The following HS3ST4 variants were observed in gnomAD, a reference collection of about 807,000 sequenced individuals.
HS3ST4 encodes heparan sulfate-glucosamine 3-sulfotransferase 4, also known as heparan sulfate glucosamine 3-O-sulfotransferase 4.
HS3ST4 carries 17 observed loss-of-function variants against 29.2 expected under a neutral mutation model. That is an observed-to-expected ratio of 0.58 (90% confidence interval 0.40 to 0.87). The LOEUF is 0.87. HS3ST4 is among the 40% of genes least tolerant of loss of function. The pLI, the probability that HS3ST4 is intolerant of heterozygous loss-of-function variation, is 0.00. For missense variants in HS3ST4, 627 were observed against 634.5 expected (o/e 0.99, Z 0.13); for synonymous variants, 314 against 285.7 (o/e 1.10, Z -1.00).
chr16:26,119,052 C>T (rs1294736070), intron 1 of HS3ST4, among the ~76,000 whole-genome samples: 1 of 152,188 alleles, frequency 6.6e-6, no homozygotes, highest in Non-Finnish European at 1.5e-5. Flanking sequence ...TTATTCTTAT[C>T]GTTAGAGTAT....
chr16:25,765,314 G>A (rs1433054155), intron 1 of HS3ST4, among the ~76,000 whole-genome samples: 1 of 152,114 alleles, frequency 6.6e-6, no homozygotes, highest in African/African-American at 2.4e-5. Context: ...ATGAAAATGC[G>A]GAGACGCCGC....
chr16:25,789,453 TC>T (rs757660894), intron 1 of HS3ST4, among the ~76,000 whole-genome samples: 13,314 of 56,168 alleles, frequency 0.24, 1,433 homozygotes, highest in African/African-American at 0.29. Flanking sequence ...CTTCCTTCCT[TC>T]CTTCCTTCCT....
At chr16:25,731,138 T>C (rs1330697160) in intron 1 of HS3ST4, among the ~76,000 whole-genome samples, 1 of 152,040 alleles carries the variant, frequency 6.6e-6, no homozygotes, top group African/African-American at 2.4e-5. Context: ...CGAAATTTGA[T>C]TGGGGGTCTG....
intron 1 of HS3ST4, among the ~76,000 whole-genome samples, chr16:25,782,828 A>T (rs1236192849): frequency 6.6e-6 from 1 of 152,228 alleles, no homozygotes; most frequent in Non-Finnish European, 1.5e-5. Context: ...AATAAAATGG[A>T]TTCATCTATG....
At chr16:25,710,916 A>C (rs530338936) in intron 1 of HS3ST4, among the ~76,000 whole-genome samples, 1 of 147,456 alleles carries the variant, frequency 6.8e-6, no homozygotes, top group Non-Finnish European at 1.5e-5. Flanking sequence ...TCCTGGGCTC[A>C]AGTGATCCTC....
At chr16:26,033,450 G>A (rs965104631) in intron 1 of HS3ST4, among the ~76,000 whole-genome samples, 9 of 149,650 alleles carry the variant, frequency 6.0e-5, no homozygotes, top group African/African-American at 2.2e-4. Flanking sequence ...GGGAGGCGGA[G>A]ATTGCAGTGA....
intron 1 of HS3ST4, among the ~76,000 whole-genome samples, chr16:26,117,682 G>A (rs1436667018): frequency 6.6e-6 from 1 of 152,202 alleles, no homozygotes; most frequent in Non-Finnish European, 1.5e-5. Flanking sequence ...GCCTGCCGGA[G>A]CCCAAGCCCT....
At chr16:26,090,342 C>T (rs1008847126) in intron 1 of HS3ST4, among the ~76,000 whole-genome samples, 1 of 149,866 alleles carries the variant, frequency 6.7e-6, no homozygotes, top group African/African-American at 2.4e-5. Flanking sequence ...CGTCTGTCTG[C>T]CAGAAGTCAC....
chr16:25,742,785 A>C (rs1031407163), intron 1 of HS3ST4, among the ~76,000 whole-genome samples: 10 of 152,174 alleles, frequency 6.6e-5, no homozygotes, highest in Non-Finnish European at 1.2e-4. Context: ...CTCTGCTTTC[A>C]ACCTTCTCAA....
At chr16:26,104,099 T>C (rs1899021337) in intron 1 of HS3ST4, among the ~76,000 whole-genome samples, 1 of 152,170 alleles carries the variant, frequency 6.6e-6, no homozygotes, top group Admixed American at 6.5e-5. Flanking sequence ...ATGTAACCAC[T>C]AGGTGAGTTG....
At chr16:25,748,913 T>G (rs1966701438) in intron 1 of HS3ST4, among the ~76,000 whole-genome samples, 2 of 152,202 alleles carry the variant, frequency 1.3e-5, no homozygotes, top group Admixed American at 6.5e-5. Context: ...AATTGAAATC[T>G]TTTTTGGCAT....
At chr16:26,055,564 T>C (rs950685398) in intron 1 of HS3ST4, among the ~76,000 whole-genome samples, 21 of 152,150 alleles carry the variant, frequency 1.4e-4, no homozygotes, top group African/African-American at 5.1e-4. Flanking sequence ...TGTTACTCAC[T>C]AATCTAGCTA....
chr16:25,875,552 T>C (rs574538623), intron 1 of HS3ST4, among the ~76,000 whole-genome samples: 11 of 152,254 alleles, frequency 7.2e-5, no homozygotes, highest in African/African-American at 2.6e-4. Context: ...ATGAGTAGAA[T>C]CAATTTCTAG....
At chr16:25,912,421 C>G (rs1231508255) in intron 1 of HS3ST4, among the ~76,000 whole-genome samples, 1 of 152,186 alleles carries the variant, frequency 6.6e-6, no homozygotes, top group Non-Finnish European at 1.5e-5. Context: ...CCCTTATTCA[C>G]TCTTCACTCC....
At chr16:25,839,072 C>G (rs953053624) in intron 1 of HS3ST4, among the ~76,000 whole-genome samples, 7 of 151,980 alleles carry the variant, frequency 4.6e-5, no homozygotes, top group Non-Finnish European at 8.8e-5. Flanking sequence ...AGGAACCGAC[C>G]CTGAGTAAAA....
At chr16:25,943,739 G>A (rs1400642402) in intron 1 of HS3ST4, among the ~76,000 whole-genome samples, 1 of 152,064 alleles carries the variant, frequency 6.6e-6, no homozygotes, top group Non-Finnish European at 1.5e-5. Context: ...AGCAACATTT[G>A]TATACCATTT....
chr16:26,056,228 C>A (rs1281984195), intron 1 of HS3ST4, among the ~76,000 whole-genome samples: 1 of 152,148 alleles, frequency 6.6e-6, no homozygotes, highest in Non-Finnish European at 1.5e-5. Flanking sequence ...TATCAAGGGG[C>A]CAGGGAAGTA....
At chr16:25,762,400 A>C (rs1211505806) in intron 1 of HS3ST4, among the ~76,000 whole-genome samples, 1 of 152,178 alleles carries the variant, frequency 6.6e-6, no homozygotes, top group African/African-American at 2.4e-5. Context: ...TGGGCTGGGC[A>C]GTTCCTTGAA....
intron 1 of HS3ST4, among the ~76,000 whole-genome samples, chr16:26,098,715 C>T (rs1425922452): frequency 6.6e-6 from 1 of 151,744 alleles, no homozygotes; most frequent in Non-Finnish European, 1.5e-5. Flanking sequence ...CACATGTACC[C>T]CAGAACTTAA....
Sources: allele counts gnomAD v4.1 joint callset (sites outside exome capture counted in the v4.1 genomes callset), GRCh38; gene constraint gnomAD v4.1.1; transcripts MANE v1.5; gene names NCBI Gene and HGNC (gene_info 2026-07-23, HGNC 2026-07-21).